CLASP1: variants seen among roughly 807,000 people sequenced by gnomAD.
The protein encoded by CLASP1 is CLIP-associating protein 1.
A neutral mutation model predicts 192.3 loss-of-function variants in CLASP1; 38 were observed. The observed-to-expected ratio is 0.20, with a 90% confidence interval of 0.15 to 0.26. The LOEUF (loss-of-function observed/expected upper bound fraction) is 0.26. CLASP1 is among the 10% of genes least tolerant of loss of function. The pLI is 1.00. For missense variants in CLASP1, 1,433 were observed against 1,932.5 expected, an observed-to-expected ratio of 0.74 and a Z score of 4.85; for synonymous variants, 691 against 712.8, an observed-to-expected ratio of 0.97 and a Z score of 0.49.
intron 8 of CLASP1, among the ~76,000 whole-genome samples, chr2:121,492,652 G>A (rs973942730): frequency 1.8e-4 from 26 of 147,560 alleles, no homozygotes; most frequent in Admixed American, 1.1e-3. Context: ...ATAATTACTA[G>A]GGTGACTACA....
At chr2:121,591,838 T>A (rs1201903852) in intron 2 of CLASP1, among the ~76,000 whole-genome samples, 1 of 152,190 alleles carries the variant, frequency 6.6e-6, no homozygotes, top group East Asian at 1.9e-4. Flanking sequence ...ACCACACCTA[T>A]TTGTTCCATA....
chr2:121,538,738 T>C (rs58874038), intron 2 of CLASP1, among the ~76,000 whole-genome samples: 209 of 151,822 alleles, frequency 1.4e-3, no homozygotes, highest in African/African-American at 4.7e-3. Context: ...TGAGCCAAGA[T>C]TGCGCCTCTG....
intron 2 of CLASP1, among the ~76,000 whole-genome samples, chr2:121,556,715 T>C (rs368125930): frequency 2.0e-5 from 3 of 152,346 alleles, no homozygotes; most frequent in African/African-American, 7.2e-5. Flanking sequence ...ATTTGTTGAA[T>C]AAATGAACAA....
intron 2 of CLASP1, among the ~76,000 whole-genome samples, chr2:121,580,523 C>A (rs2061010706): frequency 6.6e-6 from 1 of 152,160 alleles, no homozygotes; most frequent in Non-Finnish European, 1.5e-5. Flanking sequence ...CAAAGTTGAG[C>A]CTTTGCTGTA....
Position 121,451,859 on chromosome 2 carries a change from A to T in CLASP1, c.1386-10T>A. On this transcript the variant is annotated splice_polypyrimidine_tract_variant and intron_variant, in intron 14 of 39. Transcript: ENST00000263710. ...AAATTCAAAACAGCGCCTAAAAAGT[A>T]TTAAGAAATACACAACTTATTAATA... 6.5e-7 allele frequency: 1 copy of T among 1,545,878 alleles called. No homozygotes were observed. The highest frequency in any genetic ancestry group is 8.8e-7 in the Non-Finnish European group (1 of 1,139,164).
intron 36 of CLASP1, chr2:121,364,556 T>C (rs939520713): frequency 6.2e-6 from 1 of 161,606 alleles, no homozygotes; most frequent in South Asian, 1.6e-4. Context: ...CCCAGCATGA[T>C]GAAGCTTTTT....
At chr2:121,578,613 A>G (rs936024250) in intron 2 of CLASP1, among the ~76,000 whole-genome samples, 1 of 151,794 alleles carries the variant, frequency 6.6e-6, no homozygotes, top group African/African-American at 2.4e-5. Context: ...CTGTAGTCCC[A>G]GCTACTTGGG....
chr2:121,507,709 A>C (rs761905268), intron 7 of CLASP1, among the ~76,000 whole-genome samples: 19 of 152,226 alleles, frequency 1.2e-4, no homozygotes, highest in Admixed American at 6.5e-5. Context: ...AAAGAGATCC[A>C]AATCTAGACA....
chr2:121,506,200 T>C (rs1437709), intron 7 of CLASP1, among the ~76,000 whole-genome samples: 1 of 152,142 alleles, frequency 6.6e-6, no homozygotes, highest in Non-Finnish European at 1.5e-5. Context: ...CTTATCATCA[T>C]GGCAAGTGTG....
At chr2:121,584,132 T>A (rs1365223801) in intron 2 of CLASP1, among the ~76,000 whole-genome samples, 1 of 152,150 alleles carries the variant, frequency 6.6e-6, no homozygotes, top group Non-Finnish European at 1.5e-5. Flanking sequence ...TTTGTGGAGA[T>A]GGGCATCTTG....
At chr2:121,557,336 AGC>A in intron 2 of CLASP1, among the ~76,000 whole-genome samples, 1 of 152,320 alleles carries the variant, frequency 6.6e-6, no homozygotes, top group African/African-American at 2.4e-5. Flanking sequence ...CTGCAATCAC[AGC>A]ACTTTGAGAG....
intron 30 of CLASP1, among the ~76,000 whole-genome samples, chr2:121,395,643 G>C (rs2075161807): frequency 6.6e-6 from 1 of 152,136 alleles, no homozygotes; most frequent in Non-Finnish European, 1.5e-5. Flanking sequence ...TTCCACATCT[G>C]AGGATGAATC....
chr2:121,557,216 TAA>T (rs1289198211), intron 2 of CLASP1, among the ~76,000 whole-genome samples: 1 of 152,212 alleles, frequency 6.6e-6, no homozygotes, highest in Non-Finnish European at 1.5e-5. Flanking sequence ...GTTCAGATGA[TAA>T]GTTTTGTTTG....
chr2:121,478,899 ACCACAC>A (rs2092235674), intron 8 of CLASP1, among the ~76,000 whole-genome samples: 1 of 42,484 alleles, frequency 2.4e-5, no homozygotes, highest in South Asian at 9.4e-4. Context: ...ACACACACAC[ACCACAC>A]CACACACACC....
chr2:121,502,891 A>G lies in CLASP1; in HGVS notation c.712+276T>C, dbSNP rs545948719. ...AATACCATGACAGCTTGTGCTAGGAAGACAGCAGCAGTGATGATGAGAGTT... is the reference window on the plus strand; with the variant it reads ...AATACCATGACAGCTTGTGCTAGGAGGACAGCAGCAGTGATGATGAGAGTT... On this transcript the variant is annotated intron_variant, in intron 8 of 39. Transcript: ENST00000263710. 1.2e-3 allele frequency among the ~76,000 whole-genome samples: 189 copies of G among 152,332 alleles called. 1 individual carries two copies. Among genetic ancestry groups the G allele is most frequent in the African/African-American group, 4.4e-3 (184 of 41,570 alleles).
At chr2:121,532,303 G>A (rs1026999548) in intron 2 of CLASP1, 3 of 152,088 alleles carry the variant, frequency 2.0e-5, no homozygotes, top group Admixed American at 6.6e-5. Flanking sequence ...TATAATAATG[G>A]TATAAACACT....
intron 9 of CLASP1, 75 bp downstream of exon 9, chr2:121,469,723 GGGCCACCACA>G: frequency 7.3e-7 from 1 of 1,374,662 alleles, no homozygotes; most frequent in Non-Finnish European, 9.7e-7. Flanking sequence ...TCACTTCTGA[GGGCCACCACA>G]GGCAAGTACG....
chr2:121,618,080 G>A (rs1559785813), intron 1 of CLASP1, among the ~76,000 whole-genome samples: 2 of 152,128 alleles, frequency 1.3e-5, no homozygotes, highest in African/African-American at 4.8e-5. Flanking sequence ...GTACTCCCTT[G>A]TCACTGCATG....
In CLASP1 at chr2:121,366,156, T is replaced by C. The variant is rs541727924; in HGVS notation, c.3887-872A>G. On this transcript the variant is annotated intron_variant, in intron 35 of 39. Coordinates refer to ENST00000263710, the Ensembl canonical transcript of CLASP1. ...CTTCCTATCTTTTCCTCCTTTTCTT[T>C]AAGCCTTTTAGTACACAGTTGGTGA... 2.0e-5 allele frequency among the ~76,000 whole-genome samples: 3 copies of C among 152,352 alleles called. 1 individual carries two copies. The highest frequency in any genetic ancestry group is 7.2e-5 in the African/African-American group (3 of 41,568).
Sources: gnomAD v4.1 joint callset for allele counts (sites outside exome capture counted in the v4.1 genomes callset) on GRCh38, gnomAD v4.1.1 for gene constraint, MANE v1.5 for transcripts, NCBI Gene and HGNC (gene_info 2026-07-23, HGNC 2026-07-21) for gene names.